PDZD8: variants seen among roughly 807,000 people sequenced by gnomAD.
PDZD8 encodes PDZ domain-containing protein 8.
PDZD8 carries 14 observed loss-of-function variants against 85.8 expected under a neutral mutation model. The ratio of observed to expected loss-of-function variants is 0.16; its 90% CI spans 0.11 to 0.26. The LOEUF is 0.26. Among genes scored for constraint, PDZD8 ranks in the 10% least tolerant of loss-of-function variants. The pLI, the probability that PDZD8 is intolerant of heterozygous loss-of-function variation, is 1.00. For missense variants in PDZD8, 1,197 were observed against 1,424.3 expected (o/e 0.84, Z 2.57); for synonymous variants, 592 against 568.6 (o/e 1.04, Z -0.59).
intron 2 of PDZD8, among the ~76,000 whole-genome samples, chr10:117,333,291 C>T (rs962021844): frequency 1.7e-4 from 26 of 152,068 alleles, no homozygotes; most frequent in African/African-American, 4.8e-4. Flanking sequence ...AATCTTGTAA[C>T]GATGCTCTAA....
rs1166762807 is a variant in PDZD8 at position 117,375,030 on chromosome 10, A to T, written c.198T>A (p.Asp66Glu). The change falls in exon 1 of 5, where the codon GAT becomes GAA. Residue 66 changes from aspartate (D) to glutamate (E), a missense_variant. By Grantham distance (45) the Asp-to-Glu change is conservative. Around this residue, in one of 4 missense-constraint regions of PDZD8, gnomAD observed 172 missense variants for 137.8 expected, o/e 1.25. Coordinates refer to ENST00000334464, the MANE Select transcript of PDZD8 (RefSeq NM_173791.5). ...LREYLYGGGR[D>E]EEPSGAAPEG... ...CAGGGGCCGCTCCGGAGGGCTCCTC[A>T]TCCCGGCCGCCGCCATAAAGGTACT... is the stretch of plus-strand genomic sequence containing the variant. 1.3e-6 allele frequency: 2 copies of T among 1,588,848 alleles called. No individual in the cohort carries two copies. Among genetic ancestry groups the T allele is most frequent in the South Asian group, 1.1e-5 (1 of 89,148 alleles).
intron 2 of PDZD8, among the ~76,000 whole-genome samples, chr10:117,330,722 T>C (rs892678521): frequency 2.0e-5 from 3 of 152,214 alleles, no homozygotes; most frequent in South Asian, 2.1e-4. Context: ...AATCTCTATA[T>C]ATACAATTTA....
chr10:117,340,855 T>C, intron 2 of PDZD8, 125 bp downstream of exon 2: 1 of 1,112,716 alleles, frequency 9.0e-7, no homozygotes, highest in Non-Finnish European at 1.2e-6. Context: ...ATATTAAATT[T>C]ACAATTAAAG....
intron 3 of PDZD8, among the ~76,000 whole-genome samples, chr10:117,310,326 A>G (rs530449917): frequency 6.6e-6 from 1 of 152,162 alleles, no homozygotes; most frequent in African/African-American, 2.4e-5. Flanking sequence ...ACTGATACTC[A>G]CAGTACTGTT....
chr10:117,314,142 G>C (rs1462129109), intron 3 of PDZD8: 1 of 152,096 alleles, frequency 6.6e-6, no homozygotes, highest in Non-Finnish European at 1.5e-5. Flanking sequence ...TAGACATTTT[G>C]TTTGCATATC....
chr10:117,360,220 T>C (rs760434042), intron 1 of PDZD8, among the ~76,000 whole-genome samples: 7 of 152,194 alleles, frequency 4.6e-5, no homozygotes, highest in Admixed American at 3.9e-4. Context: ...TGTTAACTGA[T>C]AGCCTATGCA....
In PDZD8 at chr10:117,280,391, A is replaced by C. The variant is rs1844560635; in HGVS notation, c.*2877T>G. ...CAGCAATTTTGTTTAGGAAAAGTGG[A>C]CTTTGTTATGCTTTTCTGCATGGCC... On this transcript the variant is annotated 3_prime_UTR_variant, in exon 5 of 5. Coordinates refer to ENST00000334464, the MANE Select transcript of PDZD8 (RefSeq NM_173791.5). 6.6e-6 allele frequency: 1 copy of C among 152,224 alleles called. No individual in the cohort carries two copies. Among genetic ancestry groups the C allele is most frequent in the Non-Finnish European group, 1.5e-5 (1 of 68,032 alleles). The allele number at this position is 152,224 out of a possible 1,614,324, so 9.4% of individuals were successfully genotyped here. A position where few individuals can be genotyped will look rare whatever the true frequency, so the allele number is the denominator to read the frequency against.
intron 3 of PDZD8, 53 bp downstream of exon 3, chr10:117,318,819 T>G (rs373949117): frequency 1.5e-5 from 19 of 1,294,160 alleles, no homozygotes; most frequent in East Asian, 9.5e-5. Flanking sequence ...AATAAATGCA[T>G]GCTTATAAAA....
intron 3 of PDZD8, among the ~76,000 whole-genome samples, chr10:117,317,812 A>G (rs2133808130): frequency 6.6e-6 from 1 of 152,318 alleles, no homozygotes; most frequent in South Asian, 2.1e-4. Flanking sequence ...GAAACTTTCC[A>G]TGAAACCTCT....
chr10:117,361,182 G>A (rs1001325439), intron 1 of PDZD8, among the ~76,000 whole-genome samples: 1 of 152,042 alleles, frequency 6.6e-6, no homozygotes. Flanking sequence ...ACCCCTCAAA[G>A]GTCTGGAACA....
At chr10:117,356,390 G>A (rs2133871047) in intron 1 of PDZD8, among the ~76,000 whole-genome samples, 1 of 152,160 alleles carries the variant, frequency 6.6e-6, no homozygotes, top group South Asian at 2.1e-4. Flanking sequence ...CAAGACACAC[G>A]AATAATAATT....
chr10:117,303,538 T>A (rs1030529387), intron 3 of PDZD8, among the ~76,000 whole-genome samples: 2 of 152,200 alleles, frequency 1.3e-5, no homozygotes, highest in Non-Finnish European at 2.9e-5. Flanking sequence ...GAAATTTGCA[T>A]AAGTAGCAAG....
intron 2 of PDZD8, among the ~76,000 whole-genome samples, chr10:117,328,011 T>C (rs533359464): frequency 9.9e-5 from 15 of 152,230 alleles, no homozygotes; most frequent in Non-Finnish European, 2.1e-4. Context: ...AAAGGTTAGC[T>C]TCACTACACA....
chr10:117,306,624 G>A (rs1843948080), intron 3 of PDZD8, among the ~76,000 whole-genome samples: 1 of 151,410 alleles, frequency 6.6e-6, no homozygotes, highest in Non-Finnish European at 1.5e-5. Context: ...TCTTACTAAG[G>A]AAGTATGAGA....
At chr10:117,288,800 G>C (rs978928750) in intron 4 of PDZD8, among the ~76,000 whole-genome samples, 14 of 152,184 alleles carry the variant, frequency 9.2e-5, no homozygotes, top group African/African-American at 3.4e-4. Context: ...GAGCCACTGA[G>C]CCCGGCCTGT....
intron 3 of PDZD8, among the ~76,000 whole-genome samples, chr10:117,311,000 C>T (rs1046547144): frequency 6.6e-6 from 1 of 152,162 alleles, no homozygotes; most frequent in Admixed American, 6.6e-5. Context: ...CAATACATGA[C>T]AGAGGTGGGC....
In PDZD8 at chr10:117,290,948, C is replaced by T. The variant is rs1844749652; in HGVS notation, c.1099-600G>A. On this transcript the variant is annotated intron_variant, in intron 3 of 4. Transcript: ENST00000334464. ...GCAGTGGCACAATCCTGGCTCACTG[C>T]AACCTCCACCTCCCAGGCGCAAGTG... 4.7e-5 allele frequency among the ~76,000 whole-genome samples: 7 copies of T among 148,438 alleles called. No individual in the cohort carries two copies. The South Asian group carries it at 1.5e-3, about 32-fold the overall frequency.
At chr10:117,352,599 T>C (rs1041111088) in intron 1 of PDZD8, among the ~76,000 whole-genome samples, 2 of 152,188 alleles carry the variant, frequency 1.3e-5, no homozygotes, top group Non-Finnish European at 2.9e-5. Context: ...TAAACTTCAA[T>C]TTCTTGTTCA....
chr10:117,320,964 A>C (rs961014755), intron 2 of PDZD8, among the ~76,000 whole-genome samples: 2 of 152,142 alleles, frequency 1.3e-5, no homozygotes, highest in South Asian at 2.1e-4. Context: ...CTTTATACCC[A>C]CTAGATTGGC....
Sources: gnomAD v4.1 joint callset for allele counts (sites outside exome capture counted in the v4.1 genomes callset) on GRCh38, gnomAD v4.1.1 for gene constraint, gnomAD v4.1.1 regional missense constraint, MANE v1.5 for transcripts, NCBI Gene and HGNC (gene_info 2026-07-23, HGNC 2026-07-21) for gene names.